The following NTN4 variants were observed in gnomAD, a reference collection of about 807,000 sequenced individuals.
The protein encoded by NTN4 is netrin 4.
NTN4 carries 32 observed loss-of-function variants against 73.6 expected under a neutral mutation model. The observed-to-expected ratio is 0.44, with a 90% confidence interval of 0.33 to 0.58. NTN4 has a LOEUF of 0.58. NTN4 is among the 20% of genes least tolerant of loss of function. The probability of loss-of-function intolerance (pLI) is 0.04; values close to 1 mark genes in which losing one functional copy is unlikely to be tolerated. For synonymous variants in NTN4, 258 were observed against 287.5 expected (o/e 0.90, Z 1.04); for missense variants, 654 against 798.3 (o/e 0.82, Z 2.18).
intron 2 of NTN4, among the ~76,000 whole-genome samples, chr12:95,771,157 T>C (rs535273565): frequency 3.4e-4 from 51 of 151,990 alleles, no homozygotes; most frequent in African/African-American, 9.2e-4. Flanking sequence ...GCCCGGCTAA[T>C]TTTTTGTATT....
chr12:95,749,090 C>T (rs2078884228), intron 2 of NTN4, among the ~76,000 whole-genome samples: 1 of 152,212 alleles, frequency 6.6e-6, no homozygotes, highest in Non-Finnish European at 1.5e-5. Flanking sequence ...GACCCCTACC[C>T]CTGCCCACCA....
intron 2 of NTN4, among the ~76,000 whole-genome samples, chr12:95,752,922 T>G (rs897452848): frequency 2.0e-5 from 3 of 152,194 alleles, no homozygotes; most frequent in African/African-American, 7.2e-5. Flanking sequence ...TCCTCATACC[T>G]GATGCATATA....
chr12:95,748,822 T>C (rs1356789689), intron 2 of NTN4, among the ~76,000 whole-genome samples: 1 of 152,208 alleles, frequency 6.6e-6, no homozygotes, highest in Non-Finnish European at 1.5e-5. Context: ...TAAGCCTGGT[T>C]GGAATAGGAT....
chr12:95,715,096 C>A (rs1021427584), intron 3 of NTN4, among the ~76,000 whole-genome samples: 2 of 152,136 alleles, frequency 1.3e-5, no homozygotes, highest in African/African-American at 4.8e-5. Context: ...TCCGAGTGTG[C>A]TATATGACTG....
intron 2 of NTN4, among the ~76,000 whole-genome samples, chr12:95,767,912 G>A (rs890804736): frequency 2.0e-5 from 3 of 152,108 alleles, no homozygotes; most frequent in Non-Finnish European, 2.9e-5. Flanking sequence ...AAATCACACC[G>A]ACCAACTGCC....
chr12:95,722,634 CA>C (rs1017811192), intron 3 of NTN4, among the ~76,000 whole-genome samples: 14 of 151,268 alleles, frequency 9.3e-5, no homozygotes, highest in Admixed American at 8.6e-4. Context: ...AAAAACAAAA[CA>C]AAAACCTCAC....
chr12:95,717,962 C>T (rs1435902850), intron 3 of NTN4, among the ~76,000 whole-genome samples: 3 of 152,182 alleles, frequency 2.0e-5, no homozygotes, highest in East Asian at 1.9e-4. Flanking sequence ...TTTTCACACT[C>T]GTATTTAATT....
intron 4 of NTN4, among the ~76,000 whole-genome samples, chr12:95,711,149 T>TAGGTTACTA (rs1354138057): frequency 6.6e-6 from 1 of 152,214 alleles, no homozygotes; most frequent in Non-Finnish European, 1.5e-5. Flanking sequence ...CTGATTTCAA[T>TAGGTTACTA]AGGTTACTAC....
intron 5 of NTN4, among the ~76,000 whole-genome samples, chr12:95,691,956 C>A (rs1226538044): frequency 6.6e-6 from 1 of 152,092 alleles, no homozygotes; most frequent in Non-Finnish European, 1.5e-5. Context: ...GGTGGCAAAA[C>A]AAAATTATTA....
At chr12:95,776,391 G>A (rs1349509992) in intron 2 of NTN4, among the ~76,000 whole-genome samples, 6 of 152,142 alleles carry the variant, frequency 3.9e-5, no homozygotes, top group Admixed American at 1.3e-4. Flanking sequence ...CGAACCCATC[G>A]CAAAGAAGTT....
intron 2 of NTN4, among the ~76,000 whole-genome samples, chr12:95,776,064 C>T (rs2079090105): frequency 6.6e-6 from 1 of 152,206 alleles, no homozygotes; most frequent in African/African-American, 2.4e-5. Context: ...CTGGAGTAGA[C>T]CTCCAGCAAA....
At chr12:95,693,539 C>G (rs975893671) in intron 5 of NTN4, among the ~76,000 whole-genome samples, 1 of 151,412 alleles carries the variant, frequency 6.6e-6, no homozygotes, top group African/African-American at 2.4e-5. Context: ...GAGACCAGCC[C>G]GAGAAACATG....
Position 95,659,089 on chromosome 12 carries a change from C to T in NTN4, c.1884G>A (p.Lys628=), listed in dbSNP as rs1284284318. ...TTATGTGCTATCCATCTTAATGCTACTTGCACTCTCTTTTTAAAATATCCA... is the reference window on the plus strand; with the variant it reads ...TTATGTGCTATCCATCTTAATGCTATTTGCACTCTCTTTTTAAAATATCCA... ...KVMDILKREC[K] Residue 628 remains lysine, a synonymous_variant, in exon 10 of 10, where the codon AAG becomes AAA. Coordinates refer to ENST00000343702, the MANE Select transcript of NTN4 (RefSeq NM_021229.4). The T allele has an allele frequency of 1.9e-6, 3 of 1,610,724 alleles. No homozygotes were observed. The highest frequency in any genetic ancestry group is 1.7e-5 in the Admixed American group (1 of 59,608).
intron 2 of NTN4, among the ~76,000 whole-genome samples, chr12:95,749,276 C>T (rs547256914): frequency 5.3e-5 from 8 of 152,304 alleles, no homozygotes; most frequent in Admixed American, 2.0e-4. Context: ...CACATGGACG[C>T]GCATGAAATT....
chr12:95,698,152 A>C (rs1447861527), intron 5 of NTN4, among the ~76,000 whole-genome samples: 1 of 152,216 alleles, frequency 6.6e-6, no homozygotes, highest in African/African-American at 2.4e-5. Context: ...TCCTGGAACC[A>C]ATCCCTCGAG....
chr12:95,667,212 T>C (rs890849705), intron 8 of NTN4, among the ~76,000 whole-genome samples: 4 of 150,500 alleles, frequency 2.7e-5, no homozygotes, highest in African/African-American at 9.8e-5. Context: ...TTTTTTGAGA[T>C]GGAGTCTTGC....
At chr12:95,777,997 A>G (rs1354277274) in intron 2 of NTN4, among the ~76,000 whole-genome samples, 2 of 152,248 alleles carry the variant, frequency 1.3e-5, no homozygotes, top group African/African-American at 4.8e-5. Context: ...AGAACTCAGA[A>G]TTAAGAAACT....
intron 2 of NTN4, among the ~76,000 whole-genome samples, chr12:95,777,133 G>A (rs541396379): frequency 6.6e-6 from 1 of 152,240 alleles, no homozygotes; most frequent in African/African-American, 2.4e-5. Context: ...TCACCACCAG[G>A]CCTGCCCTAC....
intron 3 of NTN4, among the ~76,000 whole-genome samples, chr12:95,736,233 C>G (rs1381787247): frequency 6.6e-6 from 1 of 152,122 alleles, no homozygotes; most frequent in Non-Finnish European, 1.5e-5. Flanking sequence ...GCCACTGTGC[C>G]CGGCCACCTG....
Sources: gnomAD v4.1 joint callset for allele counts (sites outside exome capture counted in the v4.1 genomes callset) on GRCh38, gnomAD v4.1.1 for gene constraint, MANE v1.5 for transcripts, NCBI Gene and HGNC (gene_info 2026-07-23, HGNC 2026-07-21) for gene names.